Variants in FEZ1 observed in about 807,000 individuals in gnomAD.
FEZ1 encodes fasciculation and elongation protein zeta 1.
In FEZ1, 20 loss-of-function variants were observed where a neutral mutation model predicts 49.3. The ratio of observed to expected loss-of-function variants is 0.41; its 90% CI spans 0.29 to 0.59. The LOEUF is 0.59. Ranked by LOEUF, FEZ1 falls within the 20% of genes least tolerant of loss-of-function variation. The probability of loss-of-function intolerance (pLI) is 0.36; values close to 1 mark genes in which losing one functional copy is unlikely to be tolerated. For synonymous variants in FEZ1, 170 were observed against 180.9 expected (o/e 0.94, Z 0.48); for missense variants, 413 against 476.0 (o/e 0.87, Z 1.23).
rs147275030 is a variant in FEZ1 at position 125,463,311 on chromosome 11, T to C, written c.498+173A>G. On this transcript the variant is annotated intron_variant, in intron 4 of 9. Transcript: ENST00000278919. ...ACAGAGCAAGACTCTGTCTCAAAAG[T>C]ATATATATATAAAGAAAAAAAAGAA... The C allele has an allele frequency of 1.8e-3, 842 of 474,516 alleles. 7 individuals carry two copies. Among genetic ancestry groups the C allele is most frequent in the African/African-American group, 0.014 (705 of 50,154 alleles). The allele number at this position is 474,516 out of a possible 1,614,324, so 29.4% of individuals were successfully genotyped here. A position where few individuals can be genotyped will look rare whatever the true frequency, so the allele number is the denominator to read the frequency against.
Position 125,475,435 on chromosome 11 carries a change from C to T in FEZ1, c.411+6099G>A, listed in dbSNP as rs1297644172. Among the ~76,000 whole-genome samples, 3 of 152,094 alleles carry T rather than the reference C, an allele frequency of 2.0e-5. No homozygotes were observed. In the East Asian group the frequency reaches 5.8e-4, roughly 29 times the overall value. ...AAGATGTCTAAATTTTAAAGATTGT[C>T]CATAACAAGTGTTAGTGAGAATATG... On this transcript the variant is annotated intron_variant, in intron 3 of 9. Coordinates refer to ENST00000278919, the MANE Select transcript of FEZ1 (RefSeq NM_005103.5).
chr11:125,470,540 T>A (rs1178628047), intron 3 of FEZ1, among the ~76,000 whole-genome samples: 1 of 152,158 alleles, frequency 6.6e-6, no homozygotes, highest in Non-Finnish European at 1.5e-5. Flanking sequence ...ATTGGACTTA[T>A]CCCTCCTACC....
intron 3 of FEZ1, among the ~76,000 whole-genome samples, chr11:125,465,814 C>G (rs1215957840): frequency 6.6e-6 from 1 of 152,140 alleles, no homozygotes; most frequent in Non-Finnish European, 1.5e-5. Flanking sequence ...TTCCCACCCT[C>G]CCTAGGCCTG....
chr11:125,493,096 G>T (rs564163066), intron 1 of FEZ1, among the ~76,000 whole-genome samples: 1 of 151,900 alleles, frequency 6.6e-6, no homozygotes, highest in East Asian at 1.9e-4. Context: ...GGAGGCTGAG[G>T]TGCGTGGATC....
At chr11:125,464,933 G>A (rs765303241) in intron 3 of FEZ1, among the ~76,000 whole-genome samples, 66 of 152,244 alleles carry the variant, frequency 4.3e-4, no homozygotes, top group Non-Finnish European at 8.2e-4. Context: ...CCACTATGCA[G>A]AACAAAACTC....
Position 125,481,592 on chromosome 11 carries a change from G to A in FEZ1, c.353C>T (p.Ser118Leu). The A allele has an allele frequency of 1.2e-6, 2 of 1,613,094 alleles. No individual in the cohort carries two copies. The highest frequency in any genetic ancestry group is 1.7e-6 in the Non-Finnish European group (2 of 1,179,220). Residue 118 changes from serine (S) to leucine (L), a missense_variant, in exon 3 of 10, where the codon TCA becomes TTA. Coordinates refer to ENST00000278919, the MANE Select transcript of FEZ1 (RefSeq NM_005103.5). ...ALTDNYIPSLSEDWRDPNIEA... is the reference protein window; with the variant it reads ...ALTDNYIPSLLEDWRDPNIEA... Reference sequence around the variant, plus strand: ...GATGTTTGGATCCCTCCAGTCTTCTGAGAGTGAAGGGATGTAATTGTCTGT... The same window carrying A: ...GATGTTTGGATCCCTCCAGTCTTCTAAGAGTGAAGGGATGTAATTGTCTGT...
intron 9 of FEZ1, among the ~76,000 whole-genome samples, chr11:125,447,808 C>T (rs774343104): frequency 4.2e-5 from 6 of 143,162 alleles, no homozygotes; most frequent in African/African-American, 1.0e-4. Context: ...GGTGACAGAG[C>T]GAGATTCCAT....
chr11:125,465,688 C>T (rs1047720817), intron 3 of FEZ1, among the ~76,000 whole-genome samples: 3 of 152,154 alleles, frequency 2.0e-5, no homozygotes, highest in Non-Finnish European at 4.4e-5. Flanking sequence ...GCCAAGAAAA[C>T]CCTGGCTCCT....
chr11:125,471,883 C>T (rs887587738), intron 3 of FEZ1, among the ~76,000 whole-genome samples: 5 of 151,986 alleles, frequency 3.3e-5, no homozygotes, highest in African/African-American at 7.2e-5. Flanking sequence ...TCAGTCTGAA[C>T]GTATTTTAAA....
At chr11:125,454,504 A>G in intron 6 of FEZ1, 1 of 290,138 alleles carries the variant, frequency 3.4e-6, no homozygotes, top group Non-Finnish European at 6.3e-6. Flanking sequence ...AAAATAAAGC[A>G]GTTCAGTCAA....
At chr11:125,492,099 C>T (rs2135790935) in intron 1 of FEZ1, among the ~76,000 whole-genome samples, 1 of 152,264 alleles carries the variant, frequency 6.6e-6, no homozygotes, top group Admixed American at 6.5e-5. Context: ...ATGTAATCCA[C>T]AAAAAAACTA....
Position 125,448,547 on chromosome 11 carries a change from C to A in FEZ1, c.1117G>T (p.Asp373Tyr). Residue 373 changes from aspartate to tyrosine, a missense_variant, in exon 9 of 10, where the codon GAT becomes TAT. Transcript: ENST00000278919. ...AGCAAAGTAGGCACCTTCTCATTAT[C>A]CTCCTTCATGGCAAAGAGAACTAGG... The part of the protein sequence containing the change: ...LTNILFAMKE[D>Y]NEKVPTLLTD... 6.2e-7 allele frequency: 1 copy of A among 1,611,760 alleles called. No homozygotes were observed. Among genetic ancestry groups the A allele is most frequent in the Non-Finnish European group, 8.5e-7 (1 of 1,177,862 alleles).
intron 3 of FEZ1, among the ~76,000 whole-genome samples, chr11:125,473,477 A>C (rs565573507): frequency 1.3e-5 from 2 of 152,294 alleles, no homozygotes; most frequent in African/African-American, 4.8e-5. Flanking sequence ...CCTGGGAATC[A>C]AAAATTTTAA....
intron 2 of FEZ1, among the ~76,000 whole-genome samples, chr11:125,482,399 T>C (rs906228730): frequency 6.6e-6 from 1 of 152,194 alleles, no homozygotes; most frequent in African/African-American, 2.4e-5. Context: ...ACACAATTTG[T>C]TTTTAGTGGG....
At chr11:125,450,425 C>T (rs1565530588) in intron 8 of FEZ1, among the ~76,000 whole-genome samples, 1 of 152,200 alleles carries the variant, frequency 6.6e-6, no homozygotes, top group South Asian at 2.1e-4. Flanking sequence ...AAATGCCACA[C>T]CACGAAGATC....
In FEZ1 at chr11:125,489,880, T is replaced by C. The variant is rs993402918; in HGVS notation, c.-45-58A>G. 3 of 1,392,778 alleles carry C rather than the reference T, an allele frequency of 2.2e-6. No individual in the cohort carries two copies. In the African/African-American group the frequency reaches 4.4e-5, roughly 20 times the overall value. The allele number at this position is 1,392,778 out of a possible 1,614,324, so 86.3% of individuals were successfully genotyped here. A position where few individuals can be genotyped will look rare whatever the true frequency, so the allele number is the denominator to read the frequency against. On this transcript the variant is annotated intron_variant, in intron 1 of 9. Transcript: ENST00000278919. This position sits in a 1 kb window ranked among gnomAD's most constrained non-coding sequence, Gnocchi z 4.2. ...GACCAGGCTAATCTAAATAATAGAG[T>C]TAACTTTAGAGACACACCTGCTTCC...
chr11:125,455,534 C>A (rs1391762111), intron 6 of FEZ1: 1 of 420,030 alleles, frequency 2.4e-6, no homozygotes, highest in Non-Finnish European at 4.3e-6. Flanking sequence ...CATCTCAAGA[C>A]TCCCAACACG....
chr11:125,493,667 A>G (rs1273828818), intron 1 of FEZ1, among the ~76,000 whole-genome samples: 1 of 152,240 alleles, frequency 6.6e-6, no homozygotes, highest in Non-Finnish European at 1.5e-5. Flanking sequence ...GAATTTTAGC[A>G]TCTTTTTTAC....
intron 3 of FEZ1, among the ~76,000 whole-genome samples, chr11:125,465,831 A>G (rs1436940020): frequency 6.6e-6 from 1 of 151,494 alleles, no homozygotes; most frequent in Non-Finnish European, 1.5e-5. Flanking sequence ...CCTGGTTCCC[A>G]CATTTTCTGT....
Sources: allele counts gnomAD v4.1 joint callset (sites outside exome capture counted in the v4.1 genomes callset), GRCh38; gene constraint gnomAD v4.1.1; non-coding constraint Gnocchi (gnomAD v3.1); transcripts MANE v1.5; gene names NCBI Gene and HGNC (gene_info 2026-07-23, HGNC 2026-07-21).